Variants in FAXC observed in about 807,000 individuals in gnomAD.
The protein encoded by FAXC is failed axon connections homolog, metaxin like GST domain containing, also known as failed axon connections homolog.
Under a neutral mutation model 41.9 loss-of-function variants are expected in FAXC, and 10 were observed. The observed-to-expected ratio is 0.24, with a 90% CI of 0.15 to 0.41. The LOEUF is 0.41. Among genes scored for constraint, FAXC ranks in the 10% least tolerant of loss-of-function variants. The pLI is 1.00. For missense variants in FAXC, 399 were observed against 510.9 expected (o/e 0.78, Z 2.11); for synonymous variants, 183 against 183.8 (o/e 1.00, Z 0.03).
intron 4 of FAXC, among the ~76,000 whole-genome samples, chr6:99,306,262 C>T (rs1013022298): frequency 1.3e-5 from 2 of 152,022 alleles, no homozygotes; most frequent in Non-Finnish European, 2.9e-5. Context: ...AGGCAAGGGC[C>T]GGGGTCTATG....
intron 4 of FAXC, among the ~76,000 whole-genome samples, chr6:99,307,375 G>T (rs1433563351): frequency 6.6e-6 from 1 of 152,174 alleles, no homozygotes; most frequent in Non-Finnish European, 1.5e-5. Context: ...GTACTCAAAG[G>T]CCCGAATGGA....
At position 99,349,565 on chromosome 6, in the gene FAXC, G is replaced by A. The variant is rs1773728065; in HGVS notation, c.-193C>T. The A allele has an allele frequency of 8.9e-6, 2 of 225,726 alleles. No homozygotes were observed. Among genetic ancestry groups the A allele is most frequent in the Non-Finnish European group, 1.5e-5 (2 of 134,956 alleles). 14.0% of individuals were successfully genotyped at this position (225,726 alleles called of 1,614,324 possible). A position where few individuals can be genotyped will look rare whatever the true frequency, so the allele number is the denominator to read the frequency against. On this transcript the variant is annotated 5_prime_UTR_variant, in exon 1 of 6. Transcript: ENST00000389677. ...AGGAGGAAGGGCACTGGCCGCGGAC[G>A]GCGGGCCTGGCCGGCGGGGCCCCAG...
intron 4 of FAXC, among the ~76,000 whole-genome samples, chr6:99,322,821 G>A (rs536271537): frequency 4.6e-5 from 7 of 152,240 alleles, no homozygotes; most frequent in African/African-American, 1.2e-4. Context: ...ACCAGCCCGC[G>A]GGTACACACT....
At chr6:99,303,882 T>A (rs991071089) in intron 4 of FAXC, among the ~76,000 whole-genome samples, 1 of 152,160 alleles carries the variant, frequency 6.6e-6, no homozygotes, top group Non-Finnish European at 1.5e-5. Flanking sequence ...CAGAAAAAAA[T>A]ATATAGGAGA....
rs533941351 is a variant in FAXC, at chr6:99,344,307, A to C, written c.267-1274T>G. Among the ~76,000 whole-genome samples the C allele has an allele frequency of 2.0e-5, 3 of 152,042 alleles. No homozygotes were observed. In the South Asian group the frequency reaches 6.3e-4, roughly 32 times the overall value. On this transcript the variant is annotated intron_variant, in intron 1 of 5. Transcript: ENST00000389677. ...CCCCACTCCTCGGGACCCTTTTGCA[A>C]TTTCCATCTTCATTTGACCCAGCTG...
In FAXC at chr6:99,276,005, C is replaced by T. The variant is rs1770595852; in HGVS notation, c.*5159G>A. On this transcript the variant is annotated 3_prime_UTR_variant, in exon 6 of 6. Coordinates refer to ENST00000389677, the MANE Select transcript of FAXC (RefSeq NM_032511.4). ...CCTGGACCTGTTAAAGATGGGTTCC[C>T]AGAGCCCAGCATTTAGCCTGGGAAG... 1 of 152,044 alleles carries T rather than the reference C, an allele frequency of 6.6e-6. No homozygotes were observed. The highest frequency in any genetic ancestry group is 2.1e-4 in the South Asian group (1 of 4,816). The allele number at this position is 152,044 out of a possible 1,614,324, so 9.4% of individuals were successfully genotyped here. A position where few individuals can be genotyped will look rare whatever the true frequency, so the allele number is the denominator to read the frequency against.
intron 5 of FAXC, among the ~76,000 whole-genome samples, 164 bp from the exon 6 acceptor site, chr6:99,281,617 C>T (rs1260690150): frequency 6.6e-6 from 1 of 152,100 alleles, no homozygotes; most frequent in Non-Finnish European, 1.5e-5. Flanking sequence ...AGGCCCAAGC[C>T]CTCATTCGTG....
intron 4 of FAXC, among the ~76,000 whole-genome samples, chr6:99,315,255 A>C (rs1050526999): frequency 1.5e-5 from 2 of 135,232 alleles, no homozygotes; most frequent in African/African-American, 3.1e-5. Context: ...AAAAAAAAAA[A>C]AAAAAAACCA....
chr6:99,297,989 C>G (rs1221157591), intron 4 of FAXC, among the ~76,000 whole-genome samples: 1 of 152,150 alleles, frequency 6.6e-6, no homozygotes, highest in Non-Finnish European at 1.5e-5. Context: ...TTCTTAGATC[C>G]CATCACTGAA....
intron 5 of FAXC, among the ~76,000 whole-genome samples, chr6:99,286,059 A>C (rs946755129): frequency 1.3e-5 from 2 of 152,146 alleles, no homozygotes; most frequent in African/African-American, 4.8e-5. Flanking sequence ...TAACTTGGAA[A>C]ACATAGGCCA....
chr6:99,285,423 T>G (rs1770997163), intron 5 of FAXC, among the ~76,000 whole-genome samples: 1 of 152,192 alleles, frequency 6.6e-6, no homozygotes, highest in African/African-American at 2.4e-5. Context: ...AAGTTATAGA[T>G]AATGTGTATA....
chr6:99,305,764 G>T (rs1343508627), intron 4 of FAXC, among the ~76,000 whole-genome samples: 2 of 150,576 alleles, frequency 1.3e-5, no homozygotes, highest in Admixed American at 6.6e-5. Context: ...ATACATAAGG[G>T]TATATATTAT....
chr6:99,303,045 G>GA (rs929510088), intron 4 of FAXC, among the ~76,000 whole-genome samples: 13 of 152,030 alleles, frequency 8.6e-5, no homozygotes, highest in African/African-American at 2.4e-4. Flanking sequence ...GGGTCAGTGG[G>GA]AAAAAAAGTA....
chr6:99,314,403 G>A (rs1251764203), intron 4 of FAXC, among the ~76,000 whole-genome samples: 1 of 151,958 alleles, frequency 6.6e-6, no homozygotes, highest in Non-Finnish European at 1.5e-5. Flanking sequence ...ACAAAACCCC[G>A]TCTCTACAAA....
chr6:99,323,501 C>T lies in FAXC; in HGVS notation c.766G>A (p.Glu256Lys). The T allele has an allele frequency of 4.3e-6, 7 of 1,614,240 alleles. No homozygotes were observed. The highest frequency in any genetic ancestry group is 1.3e-5 in the African/African-American group (1 of 75,052). The change falls in exon 4 of 6, where the codon GAG becomes AAG. Residue 256 changes from glutamate to lysine, a missense_variant. Transcript: ENST00000389677. The stretch of plus-strand genomic sequence containing the variant: ...TCCATCAGCATGTAAATCTCTTCCT[C>T]GGAGAAGCGGCCAATGCCGTGGCCG... ...MHGHGIGRFS[E>K]EEIYMLMEKD...
intron 5 of FAXC, among the ~76,000 whole-genome samples, chr6:99,291,437 A>G (rs1771237010): frequency 6.6e-6 from 1 of 152,332 alleles, no homozygotes; most frequent in Non-Finnish European, 1.5e-5. Context: ...GATGGAAGAA[A>G]AGCGCTAGCA....
intron 2 of FAXC, among the ~76,000 whole-genome samples, chr6:99,340,080 A>G (rs563546621): frequency 6.6e-6 from 1 of 152,056 alleles, no homozygotes; most frequent in Non-Finnish European, 1.5e-5. Context: ...AGAGAAAGAG[A>G]AAGAAGAATG....
rs1773733970 is a variant in FAXC at position 99,349,632 on chromosome 6, T to C, written c.-260A>G. The C allele has an allele frequency of 6.6e-6, 1 of 152,652 alleles. No individual in the cohort carries two copies. The highest frequency in any genetic ancestry group is 1.5e-5 in the Non-Finnish European group (1 of 68,536). 9.5% of individuals were successfully genotyped at this position (152,652 alleles called of 1,614,324 possible). ...AGCGGCCGCCGGCTCCCCCCGCAGC[T>C]GCCTCTCCGCCCCGCTCTTTGTGTC... is the stretch of plus-strand genomic sequence containing the variant. On this transcript the variant is annotated 5_prime_UTR_variant, in exon 1 of 6. Transcript: ENST00000389677.
At chr6:99,305,018 C>A (rs12198729) in intron 4 of FAXC, among the ~76,000 whole-genome samples, 8,366 of 152,190 alleles carry the variant, frequency 0.055, 261 homozygotes, top group African/African-American at 0.063. Context: ...TGTAAAGGCA[C>A]GAAGTTGCAG....
Sources: allele counts gnomAD v4.1 joint callset (sites outside exome capture counted in the v4.1 genomes callset), GRCh38; gene constraint gnomAD v4.1.1; transcripts MANE v1.5; gene names NCBI Gene and HGNC (gene_info 2026-07-23, HGNC 2026-07-21).